STAB2: variants seen among roughly 807,000 people sequenced by gnomAD.
The protein encoded by STAB2 is stabilin-2.
Under a neutral mutation model 338.1 loss-of-function variants are expected in STAB2, and 288 were observed. The observed-to-expected ratio is 0.85, with a 90% CI of 0.77 to 0.94. The LOEUF is 0.94. Among genes scored for constraint, STAB2 ranks in the 40% least tolerant of loss-of-function variants. The pLI is 0.00. For synonymous variants in STAB2, 1,202 were observed against 1,193.3 expected, an observed-to-expected ratio of 1.01 and a Z score of -0.15; for missense variants, 3,141 against 3,210.1, an observed-to-expected ratio of 0.98 and a Z score of 0.52.
At chr12:103,761,212 G>C in intron 65 of STAB2, 88 bp from the exon 66 acceptor site, 5 of 1,230,350 alleles carry the variant, frequency 4.1e-6, no homozygotes, top group Non-Finnish European at 5.9e-6. Flanking sequence ...ATGGGCTCAG[G>C]GGCCTTGGGA....
chr12:103,732,912 C>T, intron 50 of STAB2, 94 bp from the exon 51 acceptor site: 1 of 1,480,306 alleles, frequency 6.8e-7, no homozygotes, highest in Non-Finnish European at 9.1e-7. Context: ...AAGCCACGGG[C>T]TTGAGCATGG....
intron 55 of STAB2, among the ~76,000 whole-genome samples, chr12:103,741,696 C>T (rs1369048789): frequency 2.0e-5 from 3 of 152,240 alleles, no homozygotes; most frequent in African/African-American, 7.2e-5. Context: ...CTCAAGCAGT[C>T]CATCCATCTT....
chr12:103,712,294 A>G (rs561085788), intron 40 of STAB2, 73 bp from the exon 41 acceptor site: 1 of 1,155,012 alleles, frequency 8.7e-7, no homozygotes, highest in African/African-American at 1.5e-5. Flanking sequence ...CTGAGGGTGA[A>G]GGGCATTTGT....
chr12:103,605,684 T>G (rs1007162745), intron 3 of STAB2, among the ~76,000 whole-genome samples: 1 of 152,030 alleles, frequency 6.6e-6, no homozygotes, highest in Non-Finnish European at 1.5e-5. Context: ...TATGTTCTGT[T>G]GATGAATTGA....
chr12:103,715,742 T>C (rs997740198), intron 42 of STAB2, 73 bp from the exon 43 acceptor site: 10 of 1,558,894 alleles, frequency 6.4e-6, no homozygotes, highest in Non-Finnish European at 8.8e-6. Context: ...CCATCTTAGC[T>C]CATCCCTCAA....
Position 103,766,346 on chromosome 12 carries a change from C to T in STAB2, c.*10C>T, listed in dbSNP as rs774786073. The T allele has an allele frequency of 1.8e-5, 29 of 1,601,640 alleles. No homozygotes were observed. Among genetic ancestry groups the T allele is most frequent in the African/African-American group, 1.7e-4 (13 of 74,662 alleles). The stretch of plus-strand genomic sequence containing the variant: ...CTTGAGGACACTGTGAGGGCCTGGA[C>T]GGGAGATGCCAGCCATCACTCACTG... On this transcript the variant is annotated 3_prime_UTR_variant, in exon 69 of 69. Coordinates refer to ENST00000388887, the MANE Select transcript of STAB2 (RefSeq NM_017564.10).
At position 103,626,006 on chromosome 12, in the gene STAB2, C is replaced by T. The variant is rs543810131; in HGVS notation, c.487+3895C>T. Reference sequence around the variant, plus strand: ...TAAAAGTGTTCCTATTTCTCCACATCCTCTCCAGCACCTGTTGTTTCCTGA... The same window carrying T: ...TAAAAGTGTTCCTATTTCTCCACATTCTCTCCAGCACCTGTTGTTTCCTGA... On this transcript the variant is annotated intron_variant, in intron 5 of 68. Transcript: ENST00000388887. Among the ~76,000 whole-genome samples, 23 of 152,208 alleles carry T rather than the reference C, an allele frequency of 1.5e-4. No homozygotes were observed. The South Asian group carries it at 4.8e-3, about 32-fold the overall frequency.
chr12:103,635,487 C>A (rs1306232487), intron 6 of STAB2, among the ~76,000 whole-genome samples: 1 of 152,232 alleles, frequency 6.6e-6, no homozygotes, highest in African/African-American at 2.4e-5. Context: ...GAGCTCAGCT[C>A]CCTCCAGCAT....
At chr12:103,709,110 C>T (rs144118908) in intron 39 of STAB2, among the ~76,000 whole-genome samples, 135 of 152,226 alleles carry the variant, frequency 8.9e-4, no homozygotes, top group African/African-American at 3.1e-3. Context: ...ATTCTCCTGC[C>T]AATAGTGTCT....
intron 15 of STAB2, among the ~76,000 whole-genome samples, chr12:103,656,906 T>TC (rs1203692587): frequency 6.6e-6 from 1 of 151,224 alleles, no homozygotes; most frequent in African/African-American, 2.4e-5. Flanking sequence ...CAGGATGGTC[T>TC]CGATCTCCTG....
Position 103,703,145 on chromosome 12 carries a change from C to G in STAB2, c.3715-3C>G, listed in dbSNP as rs775228100. 6.2e-7 allele frequency: 1 copy of G among 1,611,612 alleles called. No individual in the cohort carries two copies. The highest frequency in any genetic ancestry group is 8.5e-7 in the Non-Finnish European group (1 of 1,179,522). On this transcript the variant is annotated splice_region_variant and splice_polypyrimidine_tract_variant and intron_variant, in intron 34 of 68. Coordinates refer to ENST00000388887, the MANE Select transcript of STAB2 (RefSeq NM_017564.10). ...AAGTGACATTTAACCCTGTTGTTCA[C>G]AGCTCTATGTAAATGAGGCTCCAAT...
rs546234242 is a variant in STAB2, at chr12:103,726,176, C to T, written c.4851+13C>T. On this transcript the variant is annotated intron_variant, in intron 46 of 68. Coordinates refer to ENST00000388887, the MANE Select transcript of STAB2 (RefSeq NM_017564.10). ...CTTCCAGTTGCAGGTAGGAAATATA[C>T]ATGTCTGTCTAGCCATAAGAGTTCA... 6.2e-7 allele frequency: 1 copy of T among 1,613,716 alleles called. No individual in the cohort carries two copies. Among genetic ancestry groups the T allele is most frequent in the Non-Finnish European group, 8.5e-7 (1 of 1,179,718 alleles).
intron 15 of STAB2, chr12:103,658,089 CAG>C (rs1874324937): frequency 6.6e-6 from 1 of 152,214 alleles, no homozygotes; most frequent in Non-Finnish European, 1.5e-5. Context: ...CTGAACCAGA[CAG>C]AAATAAAAGC....
chr12:103,623,156 TA>T (rs1294025632), intron 5 of STAB2, among the ~76,000 whole-genome samples: 1 of 152,158 alleles, frequency 6.6e-6, no homozygotes, highest in East Asian at 1.9e-4. Flanking sequence ...AGGATGTTAT[TA>T]AGCCAGGTGC....
intron 15 of STAB2, among the ~76,000 whole-genome samples, chr12:103,656,407 A>G (rs1874180331): frequency 6.6e-6 from 1 of 152,192 alleles, no homozygotes; most frequent in South Asian, 2.1e-4. Flanking sequence ...CCCAAAGTGT[A>G]GTGTAGACAG....
At chr12:103,722,285 A>G (rs1282811756) in intron 44 of STAB2, among the ~76,000 whole-genome samples, 1 of 152,238 alleles carries the variant, frequency 6.6e-6, no homozygotes, top group African/African-American at 2.4e-5. Flanking sequence ...CTTATCAAGT[A>G]TAGTGTCAAC....
At chr12:103,676,609 G>A (rs1207000794) in intron 24 of STAB2, among the ~76,000 whole-genome samples, 1 of 152,178 alleles carries the variant, frequency 6.6e-6, no homozygotes, top group Non-Finnish European at 1.5e-5. Flanking sequence ...TTAGGAAACT[G>A]GGATCTAGGG....
At chr12:103,634,742 T>A (rs546295218) in intron 6 of STAB2, among the ~76,000 whole-genome samples, 6 of 152,324 alleles carry the variant, frequency 3.9e-5, no homozygotes, top group Admixed American at 3.9e-4. Flanking sequence ...GGCGCCAGCT[T>A]CCCCCTACAT....
chr12:103,699,376 G>C (rs1256869068), intron 34 of STAB2, 149 bp downstream of exon 34: 19 of 1,089,092 alleles, frequency 1.7e-5, no homozygotes, highest in Non-Finnish European at 2.3e-5. Context: ...GCCAAGACTG[G>C]AAAGAAAAAG....
Sources: allele counts gnomAD v4.1 joint callset (sites outside exome capture counted in the v4.1 genomes callset), GRCh38; gene constraint gnomAD v4.1.1; transcripts MANE v1.5; gene names NCBI Gene and HGNC (gene_info 2026-07-23, HGNC 2026-07-21).